B3GALT1: variants seen among roughly 807,000 people sequenced by gnomAD.
B3GALT1 encodes the protein UDP-Gal:betaGlcNAc beta 1,3-galactosyltransferase, polypeptide 1.
B3GALT1 carries 10 observed loss-of-function variants against 23.2 expected under a neutral mutation model. That is an observed-to-expected ratio of 0.43 (90% CI 0.27 to 0.73). B3GALT1 has a LOEUF of 0.73. Ranked by LOEUF, B3GALT1 falls within the 30% of genes least tolerant of loss-of-function variation. The pLI is 0.21. For missense variants in B3GALT1, 299 were observed against 405.4 expected (o/e 0.74, Z 2.25); for synonymous variants, 156 against 141.5 (o/e 1.10, Z -0.73).
intron 2 of B3GALT1, among the ~76,000 whole-genome samples, chr2:167,512,626 A>G (rs1198054530): frequency 4.2e-5 from 5 of 119,662 alleles, no homozygotes; most frequent in African/African-American, 1.5e-4. Context: ...ATATACGTGT[A>G]TATATATATA....
chr2:167,508,077 A>G (rs1331812664), intron 2 of B3GALT1, among the ~76,000 whole-genome samples: 3 of 152,090 alleles, frequency 2.0e-5, no homozygotes, highest in Admixed American at 1.3e-4. Context: ...CACTAGTCCC[A>G]TTTATGAAGA....
intron 1 of B3GALT1, among the ~76,000 whole-genome samples, chr2:167,352,323 A>G (rs1697325521): frequency 6.9e-6 from 1 of 145,896 alleles, no homozygotes; most frequent in Admixed American, 7.0e-5. Context: ...TCTCTGCATA[A>G]TCAATTTATT....
At chr2:167,665,692 G>T (rs181937891) in intron 3 of B3GALT1, among the ~76,000 whole-genome samples, 1 of 151,984 alleles carries the variant, frequency 6.6e-6, no homozygotes, top group Non-Finnish European at 1.5e-5. Context: ...TTAGTCTTGG[G>T]AGAGTGTATG....
chr2:167,320,593 A>G (rs1272253950), intron 1 of B3GALT1, among the ~76,000 whole-genome samples: 3 of 151,976 alleles, frequency 2.0e-5, no homozygotes, highest in Non-Finnish European at 4.4e-5. Flanking sequence ...AAAAGCCACT[A>G]TTACCTCTTT....
intron 1 of B3GALT1, among the ~76,000 whole-genome samples, chr2:167,435,873 C>T (rs1239768866): frequency 1.3e-5 from 2 of 151,726 alleles, no homozygotes; most frequent in Admixed American, 6.6e-5. Context: ...AACATTTAGT[C>T]CCTATTTGGT....
At chr2:167,432,570 C>T (rs1698721919) in intron 1 of B3GALT1, among the ~76,000 whole-genome samples, 1 of 152,146 alleles carries the variant, frequency 6.6e-6, no homozygotes, top group South Asian at 2.1e-4. Context: ...TTTAAAAGAA[C>T]TTCTCTAACA....
chr2:167,722,560 A>G (rs1004647427), intron 3 of B3GALT1, among the ~76,000 whole-genome samples: 1 of 152,228 alleles, frequency 6.6e-6, no homozygotes, highest in Non-Finnish European at 1.5e-5. Flanking sequence ...ATAATCATAC[A>G]GAGTTCATGA....
At chr2:167,722,257 G>A (rs937323603) in intron 3 of B3GALT1, among the ~76,000 whole-genome samples, 3 of 152,140 alleles carry the variant, frequency 2.0e-5, no homozygotes, top group Admixed American at 6.5e-5. Flanking sequence ...CAGATACTCC[G>A]AAGATAATGA....
chr2:167,593,167 T>G (rs888352867), intron 2 of B3GALT1, among the ~76,000 whole-genome samples: 1 of 152,212 alleles, frequency 6.6e-6, no homozygotes, highest in Non-Finnish European at 1.5e-5. Flanking sequence ...GAATATTATT[T>G]TTAGCATTCA....
At chr2:167,687,912 C>T (rs938597163) in intron 3 of B3GALT1, among the ~76,000 whole-genome samples, 5 of 151,960 alleles carry the variant, frequency 3.3e-5, no homozygotes, top group Non-Finnish European at 7.4e-5. Flanking sequence ...GTTTAAGGTA[C>T]CGAGAGTCAA....
In B3GALT1 at chr2:167,870,620, A is replaced by T. The variant is rs552270148; in HGVS notation, c.*600A>T. The T allele has an allele frequency of 1.2e-5, 2 of 166,996 alleles. No individual in the cohort carries two copies. The highest frequency in any genetic ancestry group is 4.8e-5 in the African/African-American group (2 of 41,408). 10.3% of individuals were successfully genotyped at this position (166,996 alleles called of 1,614,324 possible). A position where few individuals can be genotyped will look rare whatever the true frequency, so the allele number is the denominator to read the frequency against. ...AAACATTCTATGTGTTTGGAAGACA[A>T]CTCTGCTTGCTCATCCAAGGATTAA... is the stretch of plus-strand genomic sequence containing the variant. On this transcript the variant is annotated 3_prime_UTR_variant, in exon 5 of 5. Coordinates refer to ENST00000392690, the MANE Select transcript of B3GALT1 (RefSeq NM_020981.4).
At chr2:167,581,157 TC>T in intron 2 of B3GALT1, among the ~76,000 whole-genome samples, 2 of 152,296 alleles carry the variant, frequency 1.3e-5, no homozygotes, top group Admixed American at 1.3e-4. Flanking sequence ...TAAAGGATCA[TC>T]CATTATCAAT....
At chr2:167,436,883 C>T (rs922918143) in intron 1 of B3GALT1, among the ~76,000 whole-genome samples, 4 of 152,126 alleles carry the variant, frequency 2.6e-5, no homozygotes, top group African/African-American at 9.7e-5. Context: ...AGGTTAGTGT[C>T]ATGCTTTCTG....
chr2:167,441,515 T>A (rs953605926), intron 1 of B3GALT1, among the ~76,000 whole-genome samples: 2 of 152,204 alleles, frequency 1.3e-5, no homozygotes, highest in African/African-American at 4.8e-5. Flanking sequence ...TTCTTACATT[T>A]TATATGGTTT....
intron 2 of B3GALT1, among the ~76,000 whole-genome samples, chr2:167,579,858 T>TA (rs1412148806): frequency 6.6e-6 from 1 of 152,162 alleles, no homozygotes; most frequent in Non-Finnish European, 1.5e-5. Context: ...AGTCAGTTGT[T>TA]AAAAATCAAT....
chr2:167,660,557 T>G (rs928842946), intron 3 of B3GALT1, among the ~76,000 whole-genome samples: 1 of 152,130 alleles, frequency 6.6e-6, no homozygotes, highest in Non-Finnish European at 1.5e-5. Context: ...GCATACTATT[T>G]CTAGAATAAC....
At chr2:167,678,565 A>T (rs144738228) in intron 3 of B3GALT1, among the ~76,000 whole-genome samples, 9 of 141,752 alleles carry the variant, frequency 6.3e-5, no homozygotes, top group African/African-American at 2.2e-4. Context: ...CCACTCAGAA[A>T]TGCTGTTGAA....
At chr2:167,567,801 T>G (rs1684201742) in intron 2 of B3GALT1, among the ~76,000 whole-genome samples, 2 of 152,158 alleles carry the variant, frequency 1.3e-5, no homozygotes, top group South Asian at 4.1e-4. Context: ...CCCATGGGTT[T>G]AGACACATGT....
chr2:167,447,539 A>C (rs1449649871), intron 1 of B3GALT1, among the ~76,000 whole-genome samples: 1 of 151,918 alleles, frequency 6.6e-6, no homozygotes, highest in African/African-American at 2.4e-5. Flanking sequence ...TGCTTTGTTT[A>C]CCTACTCAAG....
Sources: gnomAD v4.1 joint callset for allele counts (sites outside exome capture counted in the v4.1 genomes callset) on GRCh38, gnomAD v4.1.1 for gene constraint, MANE v1.5 for transcripts, NCBI Gene and HGNC (gene_info 2026-07-23, HGNC 2026-07-21) for gene names.